IGF1R: variants seen among roughly 807,000 people sequenced by gnomAD.
IGF1R encodes the protein insulin-like growth factor 1 receptor.
Under a neutral mutation model 144.6 loss-of-function variants are expected in IGF1R, and 44 were observed. The ratio of observed to expected loss-of-function variants is 0.30; its 90% CI spans 0.24 to 0.39. The LOEUF (loss-of-function observed/expected upper bound fraction) is 0.39, where lower values mean the gene tolerates loss of function less well. IGF1R is among the 10% of genes least tolerant of loss of function. IGF1R has a pLI of 1.00. For synonymous variants in IGF1R, 795 were observed against 722.8 expected (o/e 1.10, Z -1.60); for missense variants, 1,355 against 1,833.7 (o/e 0.74, Z 4.77).
At chr15:98,777,587 G>A (rs1316677207) in intron 2 of IGF1R, among the ~76,000 whole-genome samples, 1 of 152,220 alleles carries the variant, frequency 6.6e-6, no homozygotes, top group Non-Finnish European at 1.5e-5. Flanking sequence ...ACATCTCAGT[G>A]ATGGAATGAG....
In IGF1R at chr15:98,810,667, A is replaced by G. The variant is rs192310634; in HGVS notation, c.641-80658A>G. Among the ~76,000 whole-genome samples, 497 of 151,136 alleles carry G rather than the reference A, an allele frequency of 3.3e-3. 6 individuals are homozygous for G. The highest frequency in any genetic ancestry group is 0.012 in the African/African-American group (479 of 41,276). On this transcript the variant is annotated intron_variant, in intron 2 of 20. Transcript: ENST00000650285. ...GGCTTCACGCCATTCTTCTGCCTCA[A>G]CCTCCCAAGTAGCTGGGACTACAGG...
At chr15:98,779,982 C>T (rs1183516083) in intron 2 of IGF1R, among the ~76,000 whole-genome samples, 3 of 152,036 alleles carry the variant, frequency 2.0e-5, no homozygotes, top group Admixed American at 2.0e-4. Flanking sequence ...TCTCTGGCTC[C>T]GGGATGTCAG....
At chr15:98,949,290 G>A (rs1302892773) in intron 20 of IGF1R, among the ~76,000 whole-genome samples, 1 of 151,860 alleles carries the variant, frequency 6.6e-6, no homozygotes, top group Non-Finnish European at 1.5e-5. Context: ...AGCTTCATCC[G>A]CTGACCAATG....
At chr15:98,819,991 G>T (rs1242459794) in intron 2 of IGF1R, among the ~76,000 whole-genome samples, 1 of 152,164 alleles carries the variant, frequency 6.6e-6, no homozygotes, top group Non-Finnish European at 1.5e-5. Flanking sequence ...TCTTAGTAGT[G>T]TATGAAAATA....
intron 5 of IGF1R, chr15:98,900,766 G>C (rs1254073616): frequency 6.6e-6 from 1 of 151,910 alleles, no homozygotes; most frequent in Non-Finnish European, 1.5e-5. Flanking sequence ...AGTTTAAGGT[G>C]ATGATTATTG....
intron 2 of IGF1R, among the ~76,000 whole-genome samples, chr15:98,755,244 G>A (rs1036575543): frequency 1.3e-5 from 2 of 151,942 alleles, no homozygotes; most frequent in South Asian, 4.2e-4. Context: ...ATCAATTTAG[G>A]TCAGTTGCTG....
At chr15:98,956,960 C>A in intron 20 of IGF1R, 101 bp from the exon 21 acceptor site, 3 of 1,316,272 alleles carry the variant, frequency 2.3e-6, no homozygotes, top group Non-Finnish European at 3.3e-6. Flanking sequence ...GTGCTCCCGC[C>A]GTACGCTTGT....
At chr15:98,798,247 G>T (rs939385360) in intron 2 of IGF1R, among the ~76,000 whole-genome samples, 3 of 152,096 alleles carry the variant, frequency 2.0e-5, no homozygotes, top group African/African-American at 7.2e-5. Context: ...ACCTTTTTAC[G>T]TAGGGTATTC....
chr15:98,735,261 T>C (rs1422142622), intron 2 of IGF1R, among the ~76,000 whole-genome samples: 1 of 152,196 alleles, frequency 6.6e-6, no homozygotes, highest in East Asian at 1.9e-4. Flanking sequence ...CCCGTTTCAA[T>C]TGGCTCAAGC....
intron 2 of IGF1R, among the ~76,000 whole-genome samples, chr15:98,850,547 G>C (rs916911558): frequency 1.3e-5 from 2 of 152,230 alleles, no homozygotes; most frequent in African/African-American, 4.8e-5. Flanking sequence ...AGGCCTCTCT[G>C]AGGTGCTCTG....
At chr15:98,798,091 G>T (rs1461194843) in intron 2 of IGF1R, among the ~76,000 whole-genome samples, 2 of 152,184 alleles carry the variant, frequency 1.3e-5, no homozygotes, top group Non-Finnish European at 2.9e-5. Context: ...GCCAGGCACT[G>T]TTCCTGGTGT....
At chr15:98,915,893 G>C (rs2015221756) in intron 8 of IGF1R, 71 bp from the exon 9 acceptor site, 1 of 1,442,780 alleles carries the variant, frequency 6.9e-7, no homozygotes, top group East Asian at 2.3e-5. Flanking sequence ...CTGTTGGCTT[G>C]CCAGAGTATC....
At chr15:98,777,737 C>T (rs1309514533) in intron 2 of IGF1R, among the ~76,000 whole-genome samples, 6 of 152,210 alleles carry the variant, frequency 3.9e-5, no homozygotes, top group Admixed American at 6.5e-5. Context: ...TTTCAGCCTG[C>T]AGAAAAGAGA....
intron 15 of IGF1R, among the ~76,000 whole-genome samples, chr15:98,933,919 G>C (rs911342366): frequency 6.6e-6 from 1 of 152,212 alleles, no homozygotes; most frequent in Non-Finnish European, 1.5e-5. Flanking sequence ...ACTTGGACTA[G>C]AGTAATCCTA....
intron 2 of IGF1R, among the ~76,000 whole-genome samples, chr15:98,876,536 C>A (rs1190322571): frequency 2.0e-5 from 3 of 152,168 alleles, no homozygotes; most frequent in African/African-American, 7.2e-5. Context: ...CCAGCTCTAC[C>A]ACCCACAAAA....
chr15:98,714,583 G>A (rs750089755), intron 2 of IGF1R, among the ~76,000 whole-genome samples: 2 of 152,082 alleles, frequency 1.3e-5, no homozygotes, highest in Non-Finnish European at 2.9e-5. Flanking sequence ...GGGAGATGGA[G>A]GTTACAGTGA....
chr15:98,695,757 C>A (rs73473464), intron 1 of IGF1R, among the ~76,000 whole-genome samples: 1,764 of 152,280 alleles, frequency 0.012, 33 homozygotes, highest in African/African-American at 0.04. Context: ...CAGTCCCTCA[C>A]CCTGTGTTGA....
chr15:98,870,248 C>T (rs1835335628), intron 2 of IGF1R, among the ~76,000 whole-genome samples: 1 of 152,230 alleles, frequency 6.6e-6, no homozygotes, highest in African/African-American at 2.4e-5. Context: ...ACCTATTAAA[C>T]AGTAACTCCT....
intron 2 of IGF1R, among the ~76,000 whole-genome samples, chr15:98,776,533 G>A (rs1008290014): frequency 6.6e-6 from 1 of 152,192 alleles, no homozygotes; most frequent in Non-Finnish European, 1.5e-5. Flanking sequence ...CAGGACACTT[G>A]TGTTCTTGGT....
Sources: gnomAD v4.1 joint callset for allele counts (sites outside exome capture counted in the v4.1 genomes callset) on GRCh38, gnomAD v4.1.1 for gene constraint, MANE v1.5 for transcripts, NCBI Gene and HGNC (gene_info 2026-07-23, HGNC 2026-07-21) for gene names.